The following ANGPT1 variants were observed in gnomAD, a reference collection of about 807,000 sequenced individuals.
ANGPT1 encodes the protein angiopoietin-1.
In ANGPT1, 17 loss-of-function variants were observed where a neutral mutation model predicts 62.2. The observed-to-expected ratio is 0.27, with a 90% confidence interval of 0.19 to 0.41. The LOEUF is 0.41. ANGPT1 is among the 10% of genes least tolerant of loss of function. ANGPT1 has a pLI of 1.00. For missense variants in ANGPT1, 478 were observed against 594.9 expected (o/e 0.80, Z 2.04); for synonymous variants, 199 against 198.9 (o/e 1.00, Z 0.00).
intron 8 of ANGPT1, among the ~76,000 whole-genome samples, chr8:107,260,844 G>T (rs1798077745): frequency 6.6e-6 from 1 of 152,158 alleles, no homozygotes; most frequent in African/African-American, 2.4e-5. Flanking sequence ...TTGGGTCCAA[G>T]AATAATTATG....
intron 1 of ANGPT1, among the ~76,000 whole-genome samples, chr8:107,433,121 G>A (rs1332702146): frequency 6.6e-6 from 1 of 152,024 alleles, no homozygotes; most frequent in Admixed American, 6.6e-5. Context: ...TTAAATAGTA[G>A]TTGAGATCAT....
At position 107,322,166 on chromosome 8, in the gene ANGPT1, A is replaced by C. The variant is rs780828193; in HGVS notation, c.576-38T>G. ...GAAAATAAAACTTAGATTTGAAAAA[A>C]TGTTATACAAAAAAACCCTTATAAT... On this transcript the variant is annotated intron_variant, in intron 3 of 8. Coordinates refer to ENST00000517746, the MANE Select transcript of ANGPT1 (RefSeq NM_001146.5). The C allele has an allele frequency of 2.7e-6, 4 of 1,464,940 alleles. No individual in the cohort carries two copies. In the African/African-American group the frequency reaches 5.7e-5, roughly 21 times the overall value. 90.7% of individuals were successfully genotyped at this position (1,464,940 alleles called of 1,614,324 possible). A position where few individuals can be genotyped will look rare whatever the true frequency, so the allele number is the denominator to read the frequency against.
At chr8:107,441,058 C>T (rs1811462077) in intron 1 of ANGPT1, among the ~76,000 whole-genome samples, 1 of 150,908 alleles carries the variant, frequency 6.6e-6, no homozygotes, top group Non-Finnish European at 1.5e-5. Context: ...TATCTTGATA[C>T]TTTAACTACA....
intron 1 of ANGPT1, among the ~76,000 whole-genome samples, chr8:107,419,949 C>A (rs370258009): frequency 2.3e-4 from 35 of 152,088 alleles, no homozygotes; most frequent in South Asian, 1.2e-3. Context: ...ATTTAATCTC[C>A]GCAAACATCT....
Position 107,363,237 on chromosome 8 carries a change from A to G in ANGPT1, c.298-16140T>C, listed in dbSNP as rs558596598. ...AAGTTTCTTGTAATGATCAAATGAAATAATACATGTCAAAATGCTTGGTCA... is the reference window on the plus strand; with the variant it reads ...AAGTTTCTTGTAATGATCAAATGAAGTAATACATGTCAAAATGCTTGGTCA... On this transcript the variant is annotated intron_variant, in intron 1 of 8. Coordinates refer to ENST00000517746, the MANE Select transcript of ANGPT1 (RefSeq NM_001146.5). 3.3e-5 allele frequency among the ~76,000 whole-genome samples: 5 copies of G among 152,322 alleles called. No homozygotes were observed. In the South Asian group the frequency reaches 8.3e-4, roughly 25 times the overall value.
rs931583386 is a variant in ANGPT1 at position 107,249,581 on chromosome 8, G to A, written c.*2274C>T. ...CACATGAATTTTAAAGACAAAATTCGAATACCTAATTATCCTATTCTGAAA... is the reference window on the plus strand; with the variant it reads ...CACATGAATTTTAAAGACAAAATTCAAATACCTAATTATCCTATTCTGAAA... On this transcript the variant is annotated 3_prime_UTR_variant, in exon 9 of 9. Transcript: ENST00000517746. 3 of 150,578 alleles carry A rather than the reference G, an allele frequency of 2.0e-5. No individual in the cohort carries two copies. Among genetic ancestry groups the A allele is most frequent in the African/African-American group, 4.9e-5 (2 of 40,944 alleles). 9.3% of individuals were successfully genotyped at this position (150,578 alleles called of 1,614,324 possible). A position where few individuals can be genotyped will look rare whatever the true frequency, so the allele number is the denominator to read the frequency against.
intron 1 of ANGPT1, among the ~76,000 whole-genome samples, chr8:107,389,854 A>G (rs973208656): frequency 2.6e-5 from 4 of 152,062 alleles, no homozygotes; most frequent in Non-Finnish European, 4.4e-5. Context: ...GACCCAGGCA[A>G]TGTGGCAAGG....
chr8:107,296,719 C>T (rs1321999769), intron 5 of ANGPT1, among the ~76,000 whole-genome samples: 1 of 152,012 alleles, frequency 6.6e-6, no homozygotes, highest in African/African-American at 2.4e-5. Context: ...TAAATTTTAT[C>T]GTGCCCTGAC....
At chr8:107,281,752 T>C (rs573810683) in intron 7 of ANGPT1, among the ~76,000 whole-genome samples, 1 of 152,312 alleles carries the variant, frequency 6.6e-6, no homozygotes, top group South Asian at 2.1e-4. Flanking sequence ...CACTCCAGCC[T>C]GGGCGATAAG....
At chr8:107,331,446 G>C (rs1180705628) in intron 3 of ANGPT1, among the ~76,000 whole-genome samples, 1 of 152,102 alleles carries the variant, frequency 6.6e-6, no homozygotes, top group Non-Finnish European at 1.5e-5. Context: ...ATGAATATTT[G>C]TTTGTTTTAA....
At chr8:107,291,577 A>C (rs924045981) in intron 6 of ANGPT1, among the ~76,000 whole-genome samples, 22 of 151,682 alleles carry the variant, frequency 1.5e-4, no homozygotes, top group African/African-American at 5.3e-4. Flanking sequence ...ACACCCGGCT[A>C]ATTTTTTGTT....
intron 1 of ANGPT1, among the ~76,000 whole-genome samples, chr8:107,431,319 C>T (rs1424141345): frequency 2.0e-5 from 3 of 152,158 alleles, no homozygotes; most frequent in African/African-American, 4.8e-5. Flanking sequence ...AGTCACTTGT[C>T]GTGTTGCCCA....
chr8:107,497,186 T>G (rs1813125856), intron 1 of ANGPT1, 76 bp downstream of exon 1: 2 of 1,495,682 alleles, frequency 1.3e-6, no homozygotes, highest in South Asian at 2.5e-5. Flanking sequence ...AATGCTCCCC[T>G]AAGGAACTTT....
intron 1 of ANGPT1, among the ~76,000 whole-genome samples, chr8:107,377,533 G>A (rs1816553297): frequency 6.6e-6 from 1 of 152,194 alleles, no homozygotes; most frequent in African/African-American, 2.4e-5. Context: ...GAAATGTACA[G>A]ATTGCTACTC....
chr8:107,372,128 G>C (rs1262405294), intron 1 of ANGPT1, among the ~76,000 whole-genome samples: 1 of 151,992 alleles, frequency 6.6e-6, no homozygotes, highest in African/African-American at 2.4e-5. Flanking sequence ...TTGACACTTA[G>C]GGCAAGGTGA....
chr8:107,409,729 T>TG (rs398112849), intron 1 of ANGPT1, among the ~76,000 whole-genome samples: 2 of 151,994 alleles, frequency 1.3e-5, no homozygotes, highest in Non-Finnish European at 1.5e-5. Context: ...CTTTTTTTTT[T>TG]GAAGACTTTT....
At chr8:107,478,964 C>T (rs1405230442) in intron 1 of ANGPT1, among the ~76,000 whole-genome samples, 1 of 152,130 alleles carries the variant, frequency 6.6e-6, no homozygotes, top group Non-Finnish European at 1.5e-5. Flanking sequence ...ATCTGGTGGG[C>T]ATCTTCTCTT....
intron 1 of ANGPT1, among the ~76,000 whole-genome samples, chr8:107,370,195 AAAAG>A (rs35083108): frequency 0.024 from 2,248 of 93,312 alleles, 142 homozygotes; most frequent in African/African-American, 0.092. Flanking sequence ...AAGAAAGAAA[AAAAG>A]AAAGAAAGAA....
At chr8:107,410,141 G>T (rs113578332) in intron 1 of ANGPT1, among the ~76,000 whole-genome samples, 255 of 152,274 alleles carry the variant, frequency 1.7e-3, no homozygotes, top group African/African-American at 5.8e-3. Context: ...GGCCAGCCTG[G>T]ACAAAGGTCA....
Sources: gnomAD v4.1 joint callset for allele counts (sites outside exome capture counted in the v4.1 genomes callset) on GRCh38, gnomAD v4.1.1 for gene constraint, MANE v1.5 for transcripts, NCBI Gene and HGNC (gene_info 2026-07-23, HGNC 2026-07-21) for gene names.